The following DLGAP1 variants were observed in gnomAD, a reference collection of about 807,000 sequenced individuals.
DLGAP1 encodes the protein DLG associated protein 1.
Under a neutral mutation model 90.8 loss-of-function variants are expected in DLGAP1, and 11 were observed. That is an observed-to-expected ratio of 0.12 (90% CI 0.08 to 0.20). DLGAP1 has a LOEUF of 0.20. DLGAP1 is among the 10% of genes least tolerant of loss of function. The probability of loss-of-function intolerance (pLI) is 1.00; values close to 1 mark genes in which losing one functional copy is unlikely to be tolerated. For missense variants in DLGAP1, 1,050 were observed against 1,333.8 expected (o/e 0.79, Z 3.31); for synonymous variants, 558 against 540.7 (o/e 1.03, Z -0.44).
chr18:3,521,424 G>A (rs999386066), intron 10 of DLGAP1, among the ~76,000 whole-genome samples: 1 of 152,182 alleles, frequency 6.6e-6, no homozygotes, highest in Non-Finnish European at 1.5e-5. Flanking sequence ...TCTCTCTGCT[G>A]ACTCCTTCGG....
intron 1 of DLGAP1, among the ~76,000 whole-genome samples, chr18:4,254,063 G>GCA (rs1247388398): frequency 2.6e-5 from 4 of 152,092 alleles, no homozygotes; most frequent in Admixed American, 2.6e-4. Context: ...TTGAAGATCA[G>GCA]CACGTTTTTA....
chr18:4,362,857 G>T (rs907301200), intron 1 of DLGAP1, among the ~76,000 whole-genome samples: 1 of 152,016 alleles, frequency 6.6e-6, no homozygotes, highest in Admixed American at 6.6e-5. Context: ...TTAATCAAGA[G>T]AAAATACTGA....
At chr18:4,141,008 G>A (rs1399803896) in intron 2 of DLGAP1, among the ~76,000 whole-genome samples, 3 of 152,000 alleles carry the variant, frequency 2.0e-5, no homozygotes, top group Non-Finnish European at 4.4e-5. Flanking sequence ...AGGTCTTGAG[G>A]TAGTCTTCTT....
chr18:4,063,303 C>T (rs2075325401), intron 2 of DLGAP1, among the ~76,000 whole-genome samples: 1 of 152,022 alleles, frequency 6.6e-6, no homozygotes, highest in East Asian at 1.9e-4. Context: ...GTTTCCATTG[C>T]TATCCAGGAA....
chr18:3,782,400 G>A (rs1045283061), intron 5 of DLGAP1, among the ~76,000 whole-genome samples: 2 of 152,236 alleles, frequency 1.3e-5, no homozygotes, highest in African/African-American at 4.8e-5. Flanking sequence ...GCCTCCCAAA[G>A]TGTTGGGATT....
At chr18:3,588,411 A>G (rs2056022593) in intron 7 of DLGAP1, among the ~76,000 whole-genome samples, 1 of 151,628 alleles carries the variant, frequency 6.6e-6, no homozygotes, top group Non-Finnish European at 1.5e-5. Flanking sequence ...GTGAGCCGAG[A>G]TTGCGCCATT....
At chr18:4,431,120 G>C (rs1239878440) in intron 1 of DLGAP1, 1 of 153,310 alleles carries the variant, frequency 6.5e-6, no homozygotes, top group Non-Finnish European at 1.5e-5. Context: ...AAAATGTCAA[G>C]AAAATATTGC....
At chr18:4,401,178 AGGT>A (rs1292938188) in intron 1 of DLGAP1, among the ~76,000 whole-genome samples, 3 of 152,222 alleles carry the variant, frequency 2.0e-5, no homozygotes, top group Non-Finnish European at 4.4e-5. Context: ...TTTCAGTTAG[AGGT>A]GGAGCCAAAC....
chr18:3,510,279 G>A lies in DLGAP1; in HGVS notation c.2480-1618C>T, dbSNP rs1369889395. On this transcript the variant is annotated intron_variant, in intron 10 of 12. Transcript: ENST00000315677. ...TGGTACCTATCTGGAGGGTTGTTGG[G>A]AAGGTTAAAAGCGTTAGTGTATTTG... Among the ~76,000 whole-genome samples, 7 of 152,232 alleles carry A rather than the reference G, an allele frequency of 4.6e-5. No individual in the cohort carries two copies. In the East Asian group the frequency reaches 5.8e-4, roughly 13 times the overall value.
rs981062520 is a variant in DLGAP1 at position 3,791,849 on chromosome 18, C to T, written c.1172+22210G>A. 2.6e-5 allele frequency among the ~76,000 whole-genome samples: 4 copies of T among 152,118 alleles called. No individual in the cohort carries two copies. The South Asian group carries it at 6.2e-4, about 24-fold the overall frequency. ...ATTGCCTGAGCTCAGGAGGTTGAGG[C>T]TGCAGTGAGCTATGATTGTGCCACT... On this transcript the variant is annotated intron_variant, in intron 5 of 12. Coordinates refer to ENST00000315677, the MANE Select transcript of DLGAP1 (RefSeq NM_004746.4).
chr18:3,753,351 C>T (rs960339605), intron 5 of DLGAP1, among the ~76,000 whole-genome samples: 1 of 152,148 alleles, frequency 6.6e-6, no homozygotes, highest in Non-Finnish European at 1.5e-5. Flanking sequence ...TCTGTTGAAA[C>T]CACCATCTCC....
chr18:3,583,718 C>T (rs62084022), intron 7 of DLGAP1, among the ~76,000 whole-genome samples: 33,794 of 151,938 alleles, frequency 0.22, 4,881 homozygotes, highest in Middle Eastern at 0.34. Context: ...GAGGCCCAGG[C>T]GGGTGGATCA....
intron 7 of DLGAP1, among the ~76,000 whole-genome samples, chr18:3,695,997 T>G (rs2061078946): frequency 6.6e-6 from 1 of 151,928 alleles, no homozygotes; most frequent in Admixed American, 6.5e-5. Flanking sequence ...TTTGGCTCTC[T>G]GTCTATTACT....
chr18:3,535,151 G>A (rs2052280999), intron 9 of DLGAP1, among the ~76,000 whole-genome samples: 1 of 151,172 alleles, frequency 6.6e-6, no homozygotes, highest in African/African-American at 2.4e-5. Context: ...CTTGAGGCAA[G>A]CATATTGATT....
chr18:3,843,524 T>A (rs922059269), intron 4 of DLGAP1, among the ~76,000 whole-genome samples: 1 of 152,164 alleles, frequency 6.6e-6, no homozygotes, highest in African/African-American at 2.4e-5. Context: ...ATCTATAGGT[T>A]CTGAATTAGT....
At chr18:4,398,721 T>C (rs1425363132) in intron 1 of DLGAP1, among the ~76,000 whole-genome samples, 2 of 152,200 alleles carry the variant, frequency 1.3e-5, no homozygotes. Context: ...AAATCAATAC[T>C]CTATGTGTCC....
At chr18:4,338,391 A>T (rs2081118337) in intron 1 of DLGAP1, among the ~76,000 whole-genome samples, 1 of 152,210 alleles carries the variant, frequency 6.6e-6, no homozygotes, top group Admixed American at 6.5e-5. Context: ...TGGAGTAAAT[A>T]AATCAATCAT....
intron 1 of DLGAP1, among the ~76,000 whole-genome samples, chr18:4,359,853 T>C (rs1237812337): frequency 6.6e-6 from 1 of 152,202 alleles, no homozygotes; most frequent in Non-Finnish European, 1.5e-5. Flanking sequence ...TAATCTTGAT[T>C]CCATATAGTC....
chr18:3,656,346 A>G (rs1182925216), intron 7 of DLGAP1: 1 of 475,018 alleles, frequency 2.1e-6, no homozygotes, highest in Non-Finnish European at 3.7e-6. Context: ...TTCACTAAAA[A>G]TGGGATCAAA....
Sources: gnomAD v4.1 joint callset for allele counts (sites outside exome capture counted in the v4.1 genomes callset) on GRCh38, gnomAD v4.1.1 for gene constraint, MANE v1.5 for transcripts, NCBI Gene and HGNC (gene_info 2026-07-23, HGNC 2026-07-21) for gene names.